The following GPC5 variants were observed in gnomAD, a reference collection of about 807,000 sequenced individuals.
GPC5 encodes glypican-5.
In GPC5, 47 loss-of-function variants were observed where a neutral mutation model predicts 53.9. The ratio of observed to expected loss-of-function variants is 0.87; its 90% CI spans 0.69 to 1.11. GPC5 has a LOEUF of 1.11. Ranked by LOEUF, GPC5 falls within the 50% of genes most tolerant of loss-of-function variation. The pLI, the probability that GPC5 is intolerant of heterozygous loss-of-function variation, is 0.00. For synonymous variants in GPC5, 286 were observed against 263.3 expected (o/e 1.09, Z -0.84); for missense variants, 748 against 713.1 (o/e 1.05, Z -0.56).
At position 92,273,114 on chromosome 13, in the gene GPC5, G is replaced by A. The variant is rs1287575138; in HGVS notation, c.1561+128125G>A. ...AAAATAAACAGGACTTTTTCTTGTTGTTTTGATTTCTTCTTAGTCACAATG... is the reference window on the plus strand; with the variant it reads ...AAAATAAACAGGACTTTTTCTTGTTATTTTGATTTCTTCTTAGTCACAATG... On this transcript the variant is annotated intron_variant, in intron 7 of 7. Coordinates refer to ENST00000377067, the MANE Select transcript of GPC5 (RefSeq NM_004466.6). Among the ~76,000 whole-genome samples the A allele has an allele frequency of 2.0e-5, 3 of 152,118 alleles. No individual in the cohort carries two copies. In the East Asian group the frequency reaches 5.8e-4, roughly 29 times the overall value.
At chr13:91,566,325 G>T (rs1437099084) in intron 2 of GPC5, among the ~76,000 whole-genome samples, 1 of 151,982 alleles carries the variant, frequency 6.6e-6, no homozygotes, top group Non-Finnish European at 1.5e-5. Flanking sequence ...CAGCACTTTG[G>T]GAGGCTGAAG....
intron 6 of GPC5, among the ~76,000 whole-genome samples, chr13:92,116,448 G>A (rs7999347): frequency 0.021 from 3,151 of 152,184 alleles, 115 homozygotes; most frequent in African/African-American, 0.073. Context: ...TAAGCCTCCC[G>A]GTTTGTGATT....
chr13:91,718,212 G>A (rs2036386262), intron 3 of GPC5, among the ~76,000 whole-genome samples: 1 of 152,084 alleles, frequency 6.6e-6, no homozygotes, highest in Admixed American at 6.5e-5. Flanking sequence ...CCCGGTTCAT[G>A]CCATTCTCCC....
intron 7 of GPC5, among the ~76,000 whole-genome samples, chr13:92,149,522 A>G (rs535463258): frequency 6.6e-6 from 1 of 152,240 alleles, no homozygotes; most frequent in African/African-American, 2.4e-5. Flanking sequence ...GTTTTCTCAC[A>G]TGGTAACTTT....
chr13:92,801,474 A>G (rs1876904370), intron 7 of GPC5, among the ~76,000 whole-genome samples: 1 of 151,978 alleles, frequency 6.6e-6, no homozygotes, highest in East Asian at 1.9e-4. Context: ...ATATTTGATA[A>G]TAATAAATGA....
At chr13:92,456,820 A>T (rs1260567351) in intron 7 of GPC5, among the ~76,000 whole-genome samples, 1 of 152,156 alleles carries the variant, frequency 6.6e-6, no homozygotes, top group Non-Finnish European at 1.5e-5. Flanking sequence ...CACTATTGAC[A>T]TATTAGACTA....
intron 7 of GPC5, among the ~76,000 whole-genome samples, chr13:92,333,104 T>G (rs1468260718): frequency 1.3e-5 from 2 of 152,068 alleles, no homozygotes; most frequent in African/African-American, 4.8e-5. Flanking sequence ...AAACCTGAAA[T>G]ATAGTTGATA....
intron 2 of GPC5, among the ~76,000 whole-genome samples, chr13:91,569,432 T>G (rs970412996): frequency 6.6e-6 from 1 of 152,142 alleles, no homozygotes; most frequent in African/African-American, 2.4e-5. Flanking sequence ...AAAATACAGA[T>G]ATACTCTACA....
intron 2 of GPC5, among the ~76,000 whole-genome samples, chr13:91,595,999 C>T (rs1231089681): frequency 1.3e-5 from 2 of 152,098 alleles, no homozygotes; most frequent in Admixed American, 6.5e-5. Flanking sequence ...CTTTGTAGTT[C>T]AAGTATTTCT....
chr13:92,767,717 G>A (rs943695215), intron 7 of GPC5, among the ~76,000 whole-genome samples: 5 of 152,062 alleles, frequency 3.3e-5, no homozygotes, highest in African/African-American at 1.2e-4. Context: ...ATTTTCTAAT[G>A]AGGAAAGTAC....
intron 7 of GPC5, among the ~76,000 whole-genome samples, chr13:92,296,904 G>A (rs950791520): frequency 1.3e-5 from 2 of 152,234 alleles, no homozygotes; most frequent in Non-Finnish European, 2.9e-5. Flanking sequence ...CCTTCCCGCA[G>A]GGCAGGGCTC....
At chr13:91,742,673 G>A (rs1453399877) in intron 4 of GPC5, among the ~76,000 whole-genome samples, 8 of 152,092 alleles carry the variant, frequency 5.3e-5, no homozygotes, top group Admixed American at 2.0e-4. Flanking sequence ...TATAGAAAAC[G>A]TATGCAACTA....
intron 5 of GPC5, among the ~76,000 whole-genome samples, chr13:91,833,002 C>A (rs1344915400): frequency 2.0e-5 from 3 of 151,838 alleles, no homozygotes; most frequent in African/African-American, 7.3e-5. Context: ...ACCAGCCAGA[C>A]TAATAAAGAA....
chr13:91,942,689 G>A (rs1333017591), intron 6 of GPC5, among the ~76,000 whole-genome samples: 1 of 151,962 alleles, frequency 6.6e-6, no homozygotes, highest in Non-Finnish European at 1.5e-5. Flanking sequence ...CTACTTTTAT[G>A]ACACTGAAAA....
At chr13:91,592,611 C>A (rs1269160146) in intron 2 of GPC5, among the ~76,000 whole-genome samples, 5 of 152,188 alleles carry the variant, frequency 3.3e-5, no homozygotes, top group African/African-American at 9.6e-5. Context: ...CTGGTGCTGG[C>A]CACAGATCTC....
intron 7 of GPC5, among the ~76,000 whole-genome samples, chr13:92,833,741 A>G (rs1224658963): frequency 6.6e-6 from 1 of 152,222 alleles, no homozygotes; most frequent in Non-Finnish European, 1.5e-5. Flanking sequence ...GAGATCACAG[A>G]CAGCCTCACA....
intron 7 of GPC5, among the ~76,000 whole-genome samples, chr13:92,614,707 T>A (rs1360682225): frequency 1.3e-5 from 2 of 152,216 alleles, no homozygotes; most frequent in Non-Finnish European, 2.9e-5. Context: ...TTGCAAGTAA[T>A]TTAGCTTCTC....
intron 7 of GPC5, among the ~76,000 whole-genome samples, chr13:92,155,719 A>G (rs73620848): frequency 0.012 from 1,832 of 152,070 alleles, 54 homozygotes; most frequent in African/African-American, 0.041. Flanking sequence ...GCATTTCTGC[A>G]CATTGTATTT....
intron 6 of GPC5, among the ~76,000 whole-genome samples, chr13:91,971,903 G>T (rs2040245874): frequency 6.6e-6 from 1 of 152,112 alleles, no homozygotes; most frequent in South Asian, 2.1e-4. Context: ...GTCAATTTTG[G>T]AATAGGTGTG....
Sources: gnomAD v4.1 joint callset for allele counts (sites outside exome capture counted in the v4.1 genomes callset) on GRCh38, gnomAD v4.1.1 for gene constraint, MANE v1.5 for transcripts, NCBI Gene and HGNC (gene_info 2026-07-23, HGNC 2026-07-21) for gene names.